LMTK2: variants seen among roughly 807,000 people sequenced by gnomAD.
The protein encoded by LMTK2 is serine/threonine-protein kinase LMTK2.
A neutral mutation model predicts 127.5 loss-of-function variants in LMTK2; 37 were observed. The ratio of observed to expected loss-of-function variants is 0.29; its 90% CI spans 0.22 to 0.38. LMTK2 has a LOEUF of 0.38. LMTK2 is among the 10% of genes least tolerant of loss of function. The pLI is 1.00. For missense variants in LMTK2, 1,694 were observed against 1,920.3 expected, an observed-to-expected ratio of 0.88 and a Z score of 2.20; for synonymous variants, 819 against 810.1, an observed-to-expected ratio of 1.01 and a Z score of -0.19.
At chr7:98,198,665 A>G (rs1797666578) in intron 11 of LMTK2, among the ~76,000 whole-genome samples, 1 of 151,970 alleles carries the variant, frequency 6.6e-6, no homozygotes. Context: ...TAATTTTTGT[A>G]TTTTTTGTTT....
intron 6 of LMTK2, among the ~76,000 whole-genome samples, chr7:98,160,152 G>GCC (rs1477148287): frequency 6.6e-6 from 1 of 152,164 alleles, no homozygotes; most frequent in Non-Finnish European, 1.5e-5. Flanking sequence ...TTAATTGGAT[G>GCC]AGTCAGGTTT....
chr7:98,154,976 A>G (rs1284784237), intron 5 of LMTK2, 100 bp downstream of exon 5: 2 of 705,680 alleles, frequency 2.8e-6, no homozygotes, highest in African/African-American at 1.8e-5. Context: ...AACATACATG[A>G]TTAAGTAAGT....
intron 6 of LMTK2, among the ~76,000 whole-genome samples, chr7:98,166,989 T>G (rs1344838247): frequency 6.6e-6 from 1 of 152,246 alleles, no homozygotes; most frequent in Non-Finnish European, 1.5e-5. Context: ...GAATATTATT[T>G]TCCCAAATTA....
chr7:98,193,737 C>T lies in LMTK2; in HGVS notation c.3272C>T (p.Thr1091Met), dbSNP rs61734170. Reference sequence around the variant, plus strand: ...AGAGGCACAGAAGTGACCCCTGAGACGTTCACAGCTGGCTCCCAGGGTTCA... The same window carrying T: ...AGAGGCACAGAAGTGACCCCTGAGATGTTCACAGCTGGCTCCCAGGGTTCA... ...GHRGTEVTPE[T>M]FTAGSQGSYR... Residue 1091 changes from threonine (T) to methionine (M), a missense_variant, in exon 11 of 14, where the codon ACG (threonine) becomes ATG (methionine). Thr to Met is a moderately conservative substitution (Grantham distance 81). This residue lies in a region of LMTK2 where 554 missense variants were observed against 567.7 expected (regional missense o/e 0.98). Transcript: ENST00000297293. The surrounding 1 kb of genome is among the most constrained non-coding windows in gnomAD (Gnocchi z 4.1). 98 of 1,613,814 alleles carry T rather than the reference C, an allele frequency of 6.1e-5. No homozygotes were observed. Among genetic ancestry groups the T allele is most frequent in the Non-Finnish European group, 7.5e-5 (89 of 1,180,024 alleles).
intron 3 of LMTK2, among the ~76,000 whole-genome samples, chr7:98,142,961 C>A (rs1400950044): frequency 1.3e-5 from 2 of 152,156 alleles, no homozygotes; most frequent in African/African-American, 4.8e-5. Context: ...TCTCCTTGGA[C>A]CAGAAAGAAA....
chr7:98,131,094 C>T (rs1466703355), intron 1 of LMTK2, among the ~76,000 whole-genome samples: 1 of 152,170 alleles, frequency 6.6e-6, no homozygotes, highest in Non-Finnish European at 1.5e-5. Context: ...TCCACTTTCT[C>T]CACGCCCTCG....
At chr7:98,110,957 A>ATG (rs939555217) in intron 1 of LMTK2, among the ~76,000 whole-genome samples, 3 of 152,272 alleles carry the variant, frequency 2.0e-5, no homozygotes, top group Admixed American at 2.0e-4. Flanking sequence ...TTTCTAAAGT[A>ATG]TGAATTACTG....
In LMTK2 at chr7:98,138,212, C is replaced by T. The variant is rs957738661; in HGVS notation, c.231+770C>T. ...AATGTGGCGTGCAGAGAAAATGGTCCTTAATGTCACTCCCTGTTGACCGCG... is the reference window on the plus strand; with the variant it reads ...AATGTGGCGTGCAGAGAAAATGGTCTTTAATGTCACTCCCTGTTGACCGCG... On this transcript the variant is annotated intron_variant, in intron 2 of 13. Coordinates refer to ENST00000297293, the MANE Select transcript of LMTK2 (RefSeq NM_014916.4). Among the ~76,000 whole-genome samples, 55 of 152,126 alleles carry T rather than the reference C, an allele frequency of 3.6e-4. 1 individual carries two copies. The highest frequency in any genetic ancestry group is 1.1e-3 in the African/African-American group (46 of 41,426).
In LMTK2 at chr7:98,192,292, C is replaced by T. The variant is rs1797540312; in HGVS notation, c.1827C>T (p.Ser609=). 4 of 1,537,982 alleles carry T rather than the reference C, an allele frequency of 2.6e-6. No individual in the cohort carries two copies. Among genetic ancestry groups the T allele is most frequent in the African/African-American group, 2.8e-5 (2 of 72,032 alleles). The change falls in exon 11 of 14, where the codon AGC becomes AGT. Residue 609 remains serine (S), a synonymous_variant. Coordinates refer to ENST00000297293, the MANE Select transcript of LMTK2 (RefSeq NM_014916.4). ...GTACAGATGAGGACTTCTTCCAAAG[C>T]AGTACAGACCCCAAAGACTCTAGCT... ...ESSTDEDFFQ[S]STDPKDSSLP...
At chr7:98,121,471 CAA>C (rs68164720) in intron 1 of LMTK2, among the ~76,000 whole-genome samples, 2 of 143,304 alleles carry the variant, frequency 1.4e-5, no homozygotes, top group Non-Finnish European at 1.5e-5. Flanking sequence ...TACTAAAATA[CAA>C]AAAAAAAAAA....
chr7:98,174,543 C>G (rs1797247891), intron 7 of LMTK2, among the ~76,000 whole-genome samples: 1 of 152,208 alleles, frequency 6.6e-6, no homozygotes, highest in Non-Finnish European at 1.5e-5. Context: ...TGCCAGTCTC[C>G]TGAGCAGCCT....
chr7:98,160,069 C>G (rs973493122), intron 6 of LMTK2, among the ~76,000 whole-genome samples: 1 of 152,108 alleles, frequency 6.6e-6, no homozygotes, highest in Admixed American at 6.6e-5. Flanking sequence ...TTCCCGCATG[C>G]AGAATATTTC....
intron 1 of LMTK2, among the ~76,000 whole-genome samples, chr7:98,119,163 G>A (rs970720007): frequency 1.3e-5 from 2 of 151,612 alleles, no homozygotes; most frequent in Non-Finnish European, 2.9e-5. Flanking sequence ...AATGCTGAAG[G>A]CTGGGCTGGA....
chr7:98,172,683 G>A (rs955951662), intron 7 of LMTK2, among the ~76,000 whole-genome samples: 2 of 152,166 alleles, frequency 1.3e-5, no homozygotes, highest in Non-Finnish European at 2.9e-5. Context: ...TTAACTCTTA[G>A]TAATCCATTG....
chr7:98,192,521 G>C lies in LMTK2; in HGVS notation c.2056G>C (p.Glu686Gln). The change falls in exon 11 of 14, where the codon GAG (glutamate) becomes CAG (glutamine). Residue 686 changes from glutamate to glutamine, a missense_variant. Transcript: ENST00000297293. Reference protein sequence around the residue: ...PKESVITGHFEKEKPRKIFDS... With the variant: ...PKESVITGHFQKEKPRKIFDS... ...AGAGTCAGTCATAACAGGCCACTTT[G>C]AGAAAGAAAAGCCCCGTAAGATTTT... The C allele has an allele frequency of 9.3e-6, 15 of 1,610,502 alleles. No homozygotes were observed. The highest frequency in any genetic ancestry group is 1.3e-5 in the Non-Finnish European group (15 of 1,179,184).
chr7:98,169,924 G>T (rs1321666476), intron 6 of LMTK2, among the ~76,000 whole-genome samples: 1 of 152,218 alleles, frequency 6.6e-6, no homozygotes, highest in Non-Finnish European at 1.5e-5. Flanking sequence ...CAGGTGCACG[G>T]CACCGAGGGA....
chr7:98,163,000 A>G (rs1420450107), intron 6 of LMTK2, among the ~76,000 whole-genome samples: 1 of 152,148 alleles, frequency 6.6e-6, no homozygotes, highest in Non-Finnish European at 1.5e-5. Context: ...CCTTAAGGCC[A>G]TTATGGGAAG....
intron 8 of LMTK2, among the ~76,000 whole-genome samples, chr7:98,185,816 C>G (rs887712707): frequency 1.9e-4 from 29 of 151,896 alleles, no homozygotes; most frequent in African/African-American, 7.0e-4. Context: ...CCTGCCTTGG[C>G]CTCCCAGAGT....
At chr7:98,183,281 A>C (rs1797380821) in intron 7 of LMTK2, among the ~76,000 whole-genome samples, 1 of 152,212 alleles carries the variant, frequency 6.6e-6, no homozygotes, top group Non-Finnish European at 1.5e-5. Context: ...TTTACAATCT[A>C]TTCTTTCTGA....
Sources: allele counts gnomAD v4.1 joint callset (sites outside exome capture counted in the v4.1 genomes callset), GRCh38; gene constraint gnomAD v4.1.1; regional missense constraint gnomAD v4.1.1; non-coding constraint Gnocchi (gnomAD v3.1); transcripts MANE v1.5; gene names NCBI Gene and HGNC (gene_info 2026-07-23, HGNC 2026-07-21).